GIN1: variants seen among roughly 807,000 people sequenced by gnomAD.
GIN1 encodes gypsy retrotransposon integrase 1.
GIN1 carries 41 observed loss-of-function variants against 51.4 expected under a neutral mutation model. The observed-to-expected ratio is 0.80, with a 90% CI of 0.62 to 1.04. The LOEUF is 1.04. GIN1 is among the 50% of genes least tolerant of loss of function. The pLI is 0.00. For synonymous variants in GIN1, 222 were observed against 206.5 expected, an observed-to-expected ratio of 1.07 and a Z score of -0.64; for missense variants, 610 against 612.4, an observed-to-expected ratio of 1.00 and a Z score of 0.04.
Position 103,106,863 on chromosome 5 carries a change from C to T in GIN1, c.186G>A (p.Leu62=), listed in dbSNP as rs1160658665. 3.1e-6 allele frequency: 5 copies of T among 1,590,772 alleles called. No individual in the cohort carries two copies. Among genetic ancestry groups the T allele is most frequent in the Non-Finnish European group, 4.3e-6 (5 of 1,169,608 alleles). The change falls in exon 3 of 8, where the codon TTG becomes TTA. Residue 62 remains leucine, a synonymous_variant. Coordinates refer to ENST00000399004, the MANE Select transcript of GIN1 (RefSeq NM_017676.2). ...YVGKDRKQNR[L]VIVSEEEKKK... ...TTTTTTCCTCTTCTGAAACAATTACCAAACGATTTTGTTTTCTGTCTTTTC... is the reference window on the plus strand; with the variant it reads ...TTTTTTCCTCTTCTGAAACAATTACTAAACGATTTTGTTTTCTGTCTTTTC...
In GIN1 at chr5:103,097,626, T is replaced by G. The variant is rs782417984; in HGVS notation, c.795A>C (p.Leu265=). The G allele has an allele frequency of 6.2e-7, 1 of 1,611,476 alleles. No individual in the cohort carries two copies. Among genetic ancestry groups the G allele is most frequent in the Admixed American group, 1.7e-5 (1 of 60,008 alleles). ...CATTGAAGGCAAATGAAACAGCTGATAGGTGATCATCCCAATTGTTTGGGT... is the reference window on the plus strand; with the variant it reads ...CATTGAAGGCAAATGAAACAGCTGAGAGGTGATCATCCCAATTGTTTGGGT... ...ADHPNNWDDH[L]SAVSFAFNVT... The change falls in exon 5 of 8, where the codon CTA becomes CTC. Residue 265 remains leucine, a synonymous_variant. Transcript: ENST00000399004.
chr5:103,119,362 G>A (rs1365373502), intron 1 of GIN1, among the ~76,000 whole-genome samples: 1 of 152,118 alleles, frequency 6.6e-6, no homozygotes, highest in Non-Finnish European at 1.5e-5. Flanking sequence ...GCAACGTCAA[G>A]GACCTGTAAA....
chr5:103,097,745 G>GCTTTATGCC lies in GIN1; in HGVS notation c.667_675dup (p.Gly223_Lys225dup), dbSNP rs782273228. The stretch of plus-strand genomic sequence containing the variant: ...CCAGAGGTGTGAGAAATTACAATTT[G>GCTTTATGCC]CTTTATGCCAAACAATCTGTACAGT... On this transcript the variant is annotated inframe_insertion, in exon 5 of 8. Coordinates refer to ENST00000399004, the MANE Select transcript of GIN1 (RefSeq NM_017676.2). The GCTTTATGCC allele has an allele frequency of 1.3e-6, 2 of 1,575,808 alleles. No individual in the cohort carries two copies. The highest frequency in any genetic ancestry group is 2.2e-5 in the South Asian group (2 of 90,380).
rs1472995144 is a variant in GIN1 at position 103,115,837 on chromosome 5, T to C, written c.-8+4227A>G. Reference sequence around the variant, plus strand: ...AAAGGAGAAAAAACTTATGGTATGATGTCCTGAGATGGCAGCAGGGGATGA... The same window carrying C: ...AAAGGAGAAAAAACTTATGGTATGACGTCCTGAGATGGCAGCAGGGGATGA... On this transcript the variant is annotated intron_variant, in intron 1 of 7. Transcript: ENST00000399004. Among the ~76,000 whole-genome samples, 4 of 152,160 alleles carry C rather than the reference T, an allele frequency of 2.6e-5. No individual in the cohort carries two copies. In the East Asian group the frequency reaches 7.7e-4, roughly 29 times the overall value.
intron 1 of GIN1, among the ~76,000 whole-genome samples, chr5:103,119,684 C>T (rs575582941): frequency 8.5e-4 from 129 of 152,260 alleles, no homozygotes; most frequent in Non-Finnish European, 1.1e-3. Flanking sequence ...AATTCTTCAA[C>T]GCCGGCCAAA....
At chr5:103,107,179 A>G (rs1399084001) in intron 2 of GIN1, among the ~76,000 whole-genome samples, 2 of 152,092 alleles carry the variant, frequency 1.3e-5, no homozygotes, top group Non-Finnish European at 2.9e-5. Context: ...AAAGCACGTA[A>G]TAAGTACGGA....
intron 7 of GIN1, among the ~76,000 whole-genome samples, chr5:103,092,994 A>G (rs79123054): frequency 1.4e-5 from 2 of 146,386 alleles, no homozygotes; most frequent in African/African-American, 2.5e-5. Context: ...GAAAAAAAAA[A>G]GATATAACTA....
intron 1 of GIN1, among the ~76,000 whole-genome samples, chr5:103,112,594 T>A (rs1787917961): frequency 6.6e-6 from 1 of 152,136 alleles, no homozygotes; most frequent in Non-Finnish European, 1.5e-5. Flanking sequence ...TTGGTTTACA[T>A]CATTTTCCCC....
chr5:103,115,225 TGACA>T (rs1231768039), intron 1 of GIN1, among the ~76,000 whole-genome samples: 1 of 152,138 alleles, frequency 6.6e-6, no homozygotes, highest in Non-Finnish European at 1.5e-5. Context: ...TTAAAAGTTT[TGACA>T]GTCATGTTCA....
At position 103,117,486 on chromosome 5, in the gene GIN1, G is replaced by T. The variant is rs553633554; in HGVS notation, c.-8+2578C>A. Among the ~76,000 whole-genome samples, 3 of 151,056 alleles carry T rather than the reference G, an allele frequency of 2.0e-5. No homozygotes were observed. In the South Asian group the frequency reaches 6.3e-4, roughly 32 times the overall value. Reference sequence around the variant, plus strand: ...AGAGCATATATAGAACCTGATATAGGTCATTTGATATTAGCACTGCAGATC... The same window carrying T: ...AGAGCATATATAGAACCTGATATAGTTCATTTGATATTAGCACTGCAGATC... On this transcript the variant is annotated intron_variant, in intron 1 of 7. Transcript: ENST00000399004.
chr5:103,119,960 C>T (rs1788361102), intron 1 of GIN1, 104 bp downstream of exon 1: 1 of 153,588 alleles, frequency 6.5e-6, no homozygotes, highest in African/African-American at 2.4e-5. Flanking sequence ...CAATTAAACC[C>T]TTCCTTAGGC....
intron 4 of GIN1, among the ~76,000 whole-genome samples, chr5:103,102,104 C>G (rs1287782094): frequency 6.6e-6 from 1 of 152,100 alleles, no homozygotes; most frequent in Non-Finnish European, 1.5e-5. Context: ...TAGAATGTGA[C>G]CTCCATTTCT....
At chr5:103,092,665 G>T (rs1787278203) in intron 7 of GIN1, among the ~76,000 whole-genome samples, 2 of 144,904 alleles carry the variant, frequency 1.4e-5, no homozygotes, top group Non-Finnish European at 3.0e-5. Flanking sequence ...TTATATAACT[G>T]GACGGGCACA....
Position 103,087,810 on chromosome 5 carries a change from T to C in GIN1, c.*88A>G, listed in dbSNP as rs782298314. The C allele has an allele frequency of 1.3e-4, 75 of 592,752 alleles. No individual in the cohort carries two copies. Among genetic ancestry groups the C allele is most frequent in the Non-Finnish European group, 8.1e-5 (28 of 344,592 alleles). 36.7% of individuals were successfully genotyped at this position (592,752 alleles called of 1,614,324 possible). ...TATAGTCATTAAGAATGTGTCAAGA[T>C]ACTTCTTCTATACAACGTTTTTAAT... On this transcript the variant is annotated 3_prime_UTR_variant, in exon 8 of 8. Coordinates refer to ENST00000399004, the MANE Select transcript of GIN1 (RefSeq NM_017676.2).
chr5:103,098,278 C>T (rs868913306), intron 4 of GIN1, among the ~76,000 whole-genome samples: 19 of 152,190 alleles, frequency 1.2e-4, no homozygotes, highest in Middle Eastern at 3.4e-3. Flanking sequence ...TTTATTGAGT[C>T]TTTACTACAC....
intron 1 of GIN1, among the ~76,000 whole-genome samples, chr5:103,112,842 T>C (rs1171665896): frequency 1.3e-5 from 2 of 152,100 alleles, no homozygotes; most frequent in African/African-American, 2.4e-5. Flanking sequence ...AACCCTTATA[T>C]ATACTAGATG....
intron 1 of GIN1, among the ~76,000 whole-genome samples, chr5:103,111,858 A>G (rs1193026705): frequency 2.6e-5 from 4 of 152,108 alleles, no homozygotes; most frequent in Admixed American, 2.6e-4. Flanking sequence ...AAATTTTTCT[A>G]TCTAATGTAA....
intron 7 of GIN1, among the ~76,000 whole-genome samples, chr5:103,096,226 C>T (rs1341298111): frequency 6.6e-6 from 1 of 151,956 alleles, no homozygotes; most frequent in African/African-American, 2.4e-5. Flanking sequence ...ACCTGTAGTC[C>T]CAGCTACTCG....
intron 1 of GIN1, among the ~76,000 whole-genome samples, chr5:103,116,492 C>T (rs1788032720): frequency 6.6e-6 from 1 of 152,054 alleles, no homozygotes; most frequent in Admixed American, 6.6e-5. Context: ...GCTCACAGAT[C>T]TAAATGTACA....
Sources: allele counts gnomAD v4.1 joint callset (sites outside exome capture counted in the v4.1 genomes callset), GRCh38; gene constraint gnomAD v4.1.1; transcripts MANE v1.5; gene names NCBI Gene and HGNC (gene_info 2026-07-23, HGNC 2026-07-21).